The following RAB43 variants were observed in gnomAD, a reference collection of about 807,000 sequenced individuals.
The protein encoded by RAB43 is RAB43, member RAS oncogene family.
RAB43 carries 6 observed loss-of-function variants against 18.8 expected under a neutral mutation model. The ratio of observed to expected loss-of-function variants is 0.32; its 90% CI spans 0.17 to 0.63. RAB43 has a LOEUF of 0.63. Ranked by LOEUF, RAB43 falls within the 30% of genes least tolerant of loss-of-function variation. The pLI is 0.79. For synonymous variants in RAB43, 103 were observed against 124.1 expected, an observed-to-expected ratio of 0.83 and a Z score of 1.13; for missense variants, 195 against 289.1, an observed-to-expected ratio of 0.67 and a Z score of 2.36.
At chr3:129,111,935 G>A (rs1466787285) in intron 1 of RAB43, among the ~76,000 whole-genome samples, 2 of 151,922 alleles carry the variant, frequency 1.3e-5, no homozygotes, top group African/African-American at 4.8e-5. Context: ...CACTATTTAT[G>A]GACCTACACA....
At chr3:129,110,016 C>T (rs1213231235) in intron 1 of RAB43, among the ~76,000 whole-genome samples, 2 of 151,852 alleles carry the variant, frequency 1.3e-5, no homozygotes, top group African/African-American at 4.8e-5. Flanking sequence ...AGACAAGCAA[C>T]ACCATACCTG....
At position 129,110,748 on chromosome 3, in the gene RAB43, A is replaced by G. The variant is rs141032884; in HGVS notation, c.204+10538T>C. ...TGGTGATGAGGTTTCTTTTGCGGTG[A>G]TGAAAATATCCTAAAATCAACTGTG... On this transcript the variant is annotated intron_variant, in intron 1 of 2. Transcript: ENST00000315150. 3.2e-3 allele frequency among the ~76,000 whole-genome samples: 480 copies of G among 152,308 alleles called. 7 individuals carry two copies. The highest frequency in any genetic ancestry group is 0.024 in the Middle Eastern group (7 of 294).
chr3:129,116,181 G>A (rs764392737), intron 1 of RAB43, among the ~76,000 whole-genome samples: 5 of 152,204 alleles, frequency 3.3e-5, no homozygotes, highest in Admixed American at 6.5e-5. Flanking sequence ...AGTACCATCT[G>A]AAGTTTCAGG....
intron 1 of RAB43, among the ~76,000 whole-genome samples, chr3:129,116,781 A>G (rs984895526): frequency 6.6e-6 from 1 of 152,242 alleles, no homozygotes; most frequent in Admixed American, 6.5e-5. Flanking sequence ...GTACAGTTCC[A>G]TAAGGCTGAC....
intron 1 of RAB43, 33 bp downstream of exon 1, chr3:129,121,253 A>G (rs760541224): frequency 1.9e-6 from 3 of 1,547,788 alleles, no homozygotes; most frequent in Non-Finnish European, 8.8e-7. Flanking sequence ...CCTCCGAGGG[A>G]GCGCCTTCCA....
chr3:129,092,662 A>G (rs984330445), intron 2 of RAB43: 3 of 512,142 alleles, frequency 5.9e-6, no homozygotes, highest in Non-Finnish European at 1.0e-5. Context: ...ATAGCTGTAT[A>G]AAATGTTCTA....
In RAB43 at chr3:129,115,134, C is replaced by G. The variant is rs150175314; in HGVS notation, c.204+6152G>C. 3.2e-3 allele frequency among the ~76,000 whole-genome samples: 490 copies of G among 152,244 alleles called. 6 individuals are homozygous for G. Among genetic ancestry groups the G allele is most frequent in the African/African-American group, 7.3e-3 (305 of 41,548 alleles). ...CACATGCCTATGGTACAGTATCCCCCACTTATCCATGGTTTCACTTTCCAA... is the reference window on the plus strand; with the variant it reads ...CACATGCCTATGGTACAGTATCCCCGACTTATCCATGGTTTCACTTTCCAA... On this transcript the variant is annotated intron_variant, in intron 1 of 2. Transcript: ENST00000315150.
intron 1 of RAB43, among the ~76,000 whole-genome samples, chr3:129,118,888 T>C (rs1935717675): frequency 6.6e-6 from 1 of 152,106 alleles, no homozygotes; most frequent in Non-Finnish European, 1.5e-5. Flanking sequence ...AAAACAACAA[T>C]AAGCTCTGGT....
chr3:129,120,401 T>C (rs951699915), intron 1 of RAB43, among the ~76,000 whole-genome samples: 3 of 152,132 alleles, frequency 2.0e-5, no homozygotes, highest in Non-Finnish European at 4.4e-5. Context: ...CTGAAGATCA[T>C]GGGGGCTCGA....
At chr3:129,098,764 A>G (rs187790535) in intron 1 of RAB43, among the ~76,000 whole-genome samples, 352 of 152,330 alleles carry the variant, frequency 2.3e-3, no homozygotes, top group African/African-American at 8.2e-3. Flanking sequence ...ATGTTTTATT[A>G]AACTATTTAT....
intron 1 of RAB43, among the ~76,000 whole-genome samples, chr3:129,114,236 T>C (rs1303718204): frequency 1.3e-5 from 2 of 152,194 alleles, no homozygotes; most frequent in Non-Finnish European, 2.9e-5. Flanking sequence ...AATGTTGACA[T>C]GACACTGCTA....
In RAB43 at chr3:129,091,178, C is replaced by A; in HGVS notation, c.557G>T (p.Gly186Val). 1 of 1,571,766 alleles carries A rather than the reference C, an allele frequency of 6.4e-7. No homozygotes were observed. The highest frequency in any genetic ancestry group is 8.7e-7 in the Non-Finnish European group (1 of 1,153,600). The change falls in exon 3 of 3, where the codon GGC becomes GTC. Residue 186 changes from glycine to valine, a missense_variant. By Grantham distance (109) the Gly-to-Val change is moderately radical (BLOSUM62 -3). Coordinates refer to ENST00000315150, the MANE Select transcript of RAB43 (RefSeq NM_198490.3). The part of the protein sequence containing the change: ...VATELIMRHG[G>V]PLFSEKSPDH... ...GGGGCTCTTCTCGCTGAACAAGGGGCCCCCGTGCCGCATGATGAGCTCCGT... is the reference window on the plus strand; with the variant it reads ...GGGGCTCTTCTCGCTGAACAAGGGGACCCCGTGCCGCATGATGAGCTCCGT...
At chr3:129,100,913 T>G (rs755395266) in intron 1 of RAB43, among the ~76,000 whole-genome samples, 48 of 152,226 alleles carry the variant, frequency 3.2e-4, no homozygotes, top group Non-Finnish European at 5.1e-4. Context: ...TTGAAGCGAT[T>G]CTCCTGCCTC....
At chr3:129,094,951 A>ATGGGAT (rs781769058) in intron 2 of RAB43, 35 bp downstream of exon 2, 9 of 1,593,686 alleles carry the variant, frequency 5.6e-6, no homozygotes, top group Admixed American at 5.1e-5. Context: ...AGGCAGAGTG[A>ATGGGAT]TGGGATTTGT....
rs770752666 is a variant in RAB43, at chr3:129,121,401, C to T, written c.89G>A (p.Gly30Asp). Residue 30 changes from glycine to aspartate, a missense_variant, in exon 1 of 3, where the codon GGC becomes GAC. Transcript: ENST00000315150. ...KLVLVGDASV[G>D]KTCVVQRFKT... ...GAAGCGCTGCACCACGCACGTCTTGCCCACGCTTGCGTCGCCCACCAGCAC... is the reference window on the plus strand; with the variant it reads ...GAAGCGCTGCACCACGCACGTCTTGTCCACGCTTGCGTCGCCCACCAGCAC... 5 of 1,612,988 alleles carry T rather than the reference C, an allele frequency of 3.1e-6. No individual in the cohort carries two copies. In the South Asian group the frequency reaches 4.4e-5, roughly 14 times the overall value.
intron 1 of RAB43, among the ~76,000 whole-genome samples, chr3:129,117,106 G>C (rs1328209729): frequency 6.6e-6 from 1 of 152,206 alleles, no homozygotes; most frequent in East Asian, 1.9e-4. Context: ...AGGACACTGG[G>C]TGGCTTACGG....
intron 1 of RAB43, among the ~76,000 whole-genome samples, chr3:129,116,221 T>C (rs910453272): frequency 1.3e-5 from 2 of 152,198 alleles, no homozygotes; most frequent in African/African-American, 2.4e-5. Context: ...AACATATCCA[T>C]TGAGGATAAG....
intron 1 of RAB43, among the ~76,000 whole-genome samples, chr3:129,108,269 C>T (rs1934916134): frequency 6.6e-6 from 1 of 152,228 alleles, no homozygotes; most frequent in African/African-American, 2.4e-5. Flanking sequence ...AGGACAGCCA[C>T]GGCAGCCACA....
Position 129,098,627 on chromosome 3 carries a change from G to A in RAB43, c.205-3458C>T, listed in dbSNP as rs903203400. ...TTTAGTAGGGAGACTTTAAAGCAGCGATTTTAAATATGTTCAGAAAATTAC... is the reference window on the plus strand; with the variant it reads ...TTTAGTAGGGAGACTTTAAAGCAGCAATTTTAAATATGTTCAGAAAATTAC... On this transcript the variant is annotated intron_variant, in intron 1 of 2. Coordinates refer to ENST00000315150, the MANE Select transcript of RAB43 (RefSeq NM_198490.3). 6.6e-5 allele frequency among the ~76,000 whole-genome samples: 10 copies of A among 152,208 alleles called. 1 individual carries two copies. Among genetic ancestry groups the A allele is most frequent in the South Asian group, 6.2e-4 (3 of 4,832 alleles).
Sources: gnomAD v4.1 joint callset for allele counts (sites outside exome capture counted in the v4.1 genomes callset) on GRCh38, gnomAD v4.1.1 for gene constraint, MANE v1.5 for transcripts, NCBI Gene and HGNC (gene_info 2026-07-23, HGNC 2026-07-21) for gene names.